ADGRB3: variants seen among roughly 807,000 people sequenced by gnomAD.
The protein encoded by ADGRB3 is brain-specific angiogenesis inhibitor 3.
ADGRB3 carries 37 observed loss-of-function variants against 193.4 expected under a neutral mutation model. The ratio of observed to expected loss-of-function variants is 0.19; its 90% CI spans 0.15 to 0.25. The LOEUF is 0.25. Among genes scored for constraint, ADGRB3 ranks in the 10% least tolerant of loss-of-function variants. The probability of loss-of-function intolerance (pLI) is 1.00; values close to 1 mark genes in which losing one functional copy is unlikely to be tolerated. For missense variants in ADGRB3, 1,637 were observed against 1,852.9 expected, an observed-to-expected ratio of 0.88 and a Z score of 2.14; for synonymous variants, 690 against 644.2, an observed-to-expected ratio of 1.07 and a Z score of -1.08.
intron 20 of ADGRB3, among the ~76,000 whole-genome samples, chr6:69,282,941 G>C (rs952529972): frequency 1.3e-5 from 2 of 152,076 alleles, no homozygotes; most frequent in African/African-American, 4.8e-5. Flanking sequence ...AGGAGTGTGA[G>C]AATAGATCAA....
intron 6 of ADGRB3, among the ~76,000 whole-genome samples, chr6:68,955,616 C>G (rs531844909): frequency 9.9e-5 from 15 of 152,106 alleles, no homozygotes; most frequent in African/African-American, 3.6e-4. Flanking sequence ...ATGGTAAAAC[C>G]CTGTCTCTAC....
At chr6:69,180,914 T>C (rs1775563103) in intron 17 of ADGRB3, among the ~76,000 whole-genome samples, 3 of 152,162 alleles carry the variant, frequency 2.0e-5, no homozygotes, top group African/African-American at 7.2e-5. Flanking sequence ...TTGCTCCTGG[T>C]TCTGGGAAAA....
chr6:68,785,448 T>C (rs1267177351), intron 3 of ADGRB3, among the ~76,000 whole-genome samples: 3 of 151,736 alleles, frequency 2.0e-5, no homozygotes, highest in Non-Finnish European at 4.4e-5. Flanking sequence ...AGAATGATGG[T>C]TTCCAGCTTC....
chr6:68,916,901 T>A (rs928258045), intron 3 of ADGRB3, among the ~76,000 whole-genome samples: 2 of 152,168 alleles, frequency 1.3e-5, no homozygotes, highest in Non-Finnish European at 2.9e-5. Flanking sequence ...TTGGATTCTA[T>A]TCTAAATACT....
At chr6:68,730,260 A>G (rs1184936632) in intron 3 of ADGRB3, among the ~76,000 whole-genome samples, 2 of 151,646 alleles carry the variant, frequency 1.3e-5, no homozygotes, top group African/African-American at 4.8e-5. Context: ...GTTTTCTAGA[A>G]CCATCATAAG....
chr6:69,074,963 C>T (rs1002500186), intron 16 of ADGRB3, among the ~76,000 whole-genome samples: 1 of 152,090 alleles, frequency 6.6e-6, no homozygotes, highest in Non-Finnish European at 1.5e-5. Context: ...AACTTAAAAG[C>T]AATACTGAAT....
chr6:68,675,256 A>G (rs1351343176), intron 3 of ADGRB3, among the ~76,000 whole-genome samples: 1 of 152,206 alleles, frequency 6.6e-6, no homozygotes, highest in Non-Finnish European at 1.5e-5. Flanking sequence ...CTTACAATCA[A>G]TACAGAGAAG....
chr6:69,313,353 T>A (rs1246543764), intron 20 of ADGRB3, among the ~76,000 whole-genome samples: 1 of 151,830 alleles, frequency 6.6e-6, no homozygotes, highest in East Asian at 1.9e-4. Context: ...AATCAAAAAT[T>A]GTTTTCATTC....
In ADGRB3 at chr6:69,351,933, A is replaced by G. The variant is rs916252134; in HGVS notation, c.3460-2300A>G. Among the ~76,000 whole-genome samples, 7 of 152,244 alleles carry G rather than the reference A, an allele frequency of 4.6e-5. 1 individual carries two copies. Among genetic ancestry groups the G allele is most frequent in the African/African-American group, 1.7e-4 (7 of 41,468 alleles). The stretch of plus-strand genomic sequence containing the variant: ...TTTCTCATTTTATATATGCTGACCT[A>G]GAAATATGTCTGATAGAAATCTTCA... On this transcript the variant is annotated intron_variant, in intron 26 of 31. Transcript: ENST00000370598.
At chr6:69,019,995 C>A (rs1449827467) in intron 13 of ADGRB3, among the ~76,000 whole-genome samples, 1 of 151,930 alleles carries the variant, frequency 6.6e-6, no homozygotes, top group Middle Eastern at 3.4e-3. Flanking sequence ...TTTTAAGGCA[C>A]GTGGAAGGAA....
At chr6:68,771,158 A>G (rs1386958827) in intron 3 of ADGRB3, among the ~76,000 whole-genome samples, 1 of 152,044 alleles carries the variant, frequency 6.6e-6, no homozygotes, top group Non-Finnish European at 1.5e-5. Flanking sequence ...TGCTATGTAA[A>G]CTTTTATTTT....
At chr6:68,892,965 C>T (rs568957799) in intron 3 of ADGRB3, among the ~76,000 whole-genome samples, 8 of 152,158 alleles carry the variant, frequency 5.3e-5, no homozygotes, top group African/African-American at 1.9e-4. Flanking sequence ...TCTATCTACA[C>T]CAGAGGAATA....
chr6:69,376,087 T>TC (rs1448499127), intron 30 of ADGRB3, among the ~76,000 whole-genome samples: 31 of 126,778 alleles, frequency 2.4e-4, no homozygotes, highest in Middle Eastern at 3.6e-3. Flanking sequence ...GTAGCCTTTT[T>TC]TTTTTTTTTT....
chr6:69,351,783 C>T (rs1266648793), intron 26 of ADGRB3, among the ~76,000 whole-genome samples: 1 of 152,060 alleles, frequency 6.6e-6, no homozygotes, highest in African/African-American at 2.4e-5. Flanking sequence ...GAAAAGAAAC[C>T]TACAAAAATT....
At chr6:69,348,171 G>T (rs758421417) in intron 26 of ADGRB3, among the ~76,000 whole-genome samples, 1 of 152,164 alleles carries the variant, frequency 6.6e-6, no homozygotes, top group African/African-American at 2.4e-5. Flanking sequence ...TAAGATGGGT[G>T]AGATGACATC....
intron 15 of ADGRB3, among the ~76,000 whole-genome samples, chr6:69,056,344 G>A (rs1582427375): frequency 6.6e-6 from 1 of 152,112 alleles, no homozygotes; most frequent in Non-Finnish European, 1.5e-5. Flanking sequence ...GTCAAGTTTA[G>A]GAGTTATTTA....
chr6:69,322,339 A>G (rs1768475236), intron 20 of ADGRB3, among the ~76,000 whole-genome samples: 1 of 151,908 alleles, frequency 6.6e-6, no homozygotes. Context: ...TTTATAATAG[A>G]AAAATTTATA....
intron 17 of ADGRB3, among the ~76,000 whole-genome samples, chr6:69,178,883 C>A (rs984481559): frequency 6.6e-6 from 1 of 151,990 alleles, no homozygotes. Context: ...GAGATTTTTT[C>A]TTTATTGTTG....
intron 17 of ADGRB3, among the ~76,000 whole-genome samples, chr6:69,093,616 A>C (rs966976173): frequency 2.1e-5 from 3 of 141,802 alleles, no homozygotes; most frequent in African/African-American, 7.8e-5. Flanking sequence ...GCATAGGTTC[A>C]GTGGGAGATG....
Sources: allele counts gnomAD v4.1 joint callset (sites outside exome capture counted in the v4.1 genomes callset), GRCh38; gene constraint gnomAD v4.1.1; transcripts MANE v1.5; gene names NCBI Gene and HGNC (gene_info 2026-07-23, HGNC 2026-07-21).